Variants in ANKRD11 observed in about 807,000 individuals in gnomAD.
ANKRD11 encodes ankyrin repeat domain-containing protein 11.
In ANKRD11, 17 loss-of-function variants were observed where a neutral mutation model predicts 195.7. The ratio of observed to expected loss-of-function variants is 0.09; its 90% confidence interval spans 0.06 to 0.13. The LOEUF is 0.13. Ranked by LOEUF, ANKRD11 falls within the 10% of genes least tolerant of loss-of-function variation. The pLI is 1.00. For missense variants in ANKRD11, 3,735 were observed against 3,566.1 expected (o/e 1.05, Z -1.21); for synonymous variants, 1,953 against 1,528.1 (o/e 1.28, Z -6.49).
Position 89,283,055 on chromosome 16 carries a change from T to C in ANKRD11, c.3487A>G (p.Arg1163Gly). 6.2e-7 allele frequency: 1 copy of C among 1,614,026 alleles called. No individual in the cohort carries two copies. Among genetic ancestry groups the C allele is most frequent in the Non-Finnish European group, 8.5e-7 (1 of 1,180,038 alleles). The part of the protein sequence containing the change: ...EEGREAYASD[R>G]HRKSSDKQHP... ...TGCTTGTCAGAAGACTTCCTGTGTC[T>C]GTCGGAGGCATAGGCCTCCCGTCCT... The change falls in exon 9 of 13, where the codon AGA becomes GGA. Residue 1163 changes from arginine (R) to glycine (G), a missense_variant. Transcript: ENST00000301030. This position sits in a 1 kb window ranked among gnomAD's most constrained non-coding sequence, Gnocchi z 4.3.
At chr16:89,386,413 G>A (rs1247798162) in intron 2 of ANKRD11, among the ~76,000 whole-genome samples, 3 of 152,052 alleles carry the variant, frequency 2.0e-5, no homozygotes, top group Non-Finnish European at 4.4e-5. Context: ...CTTTACCCAA[G>A]GAGACGCCAG....
intron 1 of ANKRD11, among the ~76,000 whole-genome samples, chr16:89,450,723 C>G (rs1253852362): frequency 6.6e-6 from 1 of 152,156 alleles, no homozygotes; most frequent in African/African-American, 2.4e-5. Flanking sequence ...TCTCTAACTC[C>G]TCGCCTCAAG....
chr16:89,409,311 C>G (rs1407261031), intron 2 of ANKRD11, among the ~76,000 whole-genome samples: 1 of 152,196 alleles, frequency 6.6e-6, no homozygotes, highest in East Asian at 1.9e-4. Flanking sequence ...CCCACAGGTT[C>G]TAGCACTCCT....
chr16:89,456,985 A>C (rs986436440), intron 1 of ANKRD11, among the ~76,000 whole-genome samples: 18 of 127,056 alleles, frequency 1.4e-4, no homozygotes, highest in African/African-American at 5.6e-4. Flanking sequence ...TTTGAGACGG[A>C]GTCTCGCTCT....
intron 1 of ANKRD11, among the ~76,000 whole-genome samples, chr16:89,464,709 G>C (rs2056824459): frequency 6.6e-6 from 1 of 151,634 alleles, no homozygotes; most frequent in Admixed American, 6.6e-5. Context: ...TAGTTGACCA[G>C]AATTAAGCAC....
At chr16:89,270,388 T>C (rs1054767319) in intron 12 of ANKRD11, 4 of 288,948 alleles carry the variant, frequency 1.4e-5, no homozygotes, top group African/African-American at 8.7e-5. Context: ...TCCTCCAGGG[T>C]GTCCCGGTGA....
chr16:89,401,175 C>A (rs987695921), intron 2 of ANKRD11, among the ~76,000 whole-genome samples: 1 of 140,586 alleles, frequency 7.1e-6, no homozygotes. Context: ...CTCATTGCAA[C>A]CTCTGCCTCC....
At position 89,268,420 on chromosome 16, in the gene ANKRD11, G is replaced by C. The variant is rs776562670; in HGVS notation, c.*58C>G. 2 of 775,700 alleles carry C rather than the reference G, an allele frequency of 2.6e-6. No individual in the cohort carries two copies. The highest frequency in any genetic ancestry group is 4.1e-6 in the Non-Finnish European group (2 of 492,196). The allele number at this position is 775,700 out of a possible 1,614,324, so 48.1% of individuals were successfully genotyped here. On this transcript the variant is annotated 3_prime_UTR_variant, in exon 13 of 13. Coordinates refer to ENST00000301030, the MANE Select transcript of ANKRD11 (RefSeq NM_013275.6). ...CTCCCTCCTCCGCCCCTGGGGCTCAGCAGCAGTCCTGGGCAGCCGTGCGGC... is the reference window on the plus strand; with the variant it reads ...CTCCCTCCTCCGCCCCTGGGGCTCACCAGCAGTCCTGGGCAGCCGTGCGGC...
At chr16:89,484,808 G>C (rs2057551276) in intron 1 of ANKRD11, among the ~76,000 whole-genome samples, 1 of 152,136 alleles carries the variant, frequency 6.6e-6, no homozygotes, top group Admixed American at 6.5e-5. Context: ...ATGGTTTGTT[G>C]AGAAAAAGCC....
chr16:89,318,359 G>A (rs558046190), intron 2 of ANKRD11, among the ~76,000 whole-genome samples: 4 of 152,204 alleles, frequency 2.6e-5, no homozygotes, highest in Non-Finnish European at 5.9e-5. Context: ...CAAAGCCACT[G>A]TCCCCCCATC....
chr16:89,327,285 T>C lies in ANKRD11; in HGVS notation c.-59-10207A>G, dbSNP rs146095538. 5.1e-3 allele frequency among the ~76,000 whole-genome samples: 769 copies of C among 152,142 alleles called. 5 individuals are homozygous for C. Among genetic ancestry groups the C allele is most frequent in the African/African-American group, 0.018 (744 of 41,472 alleles). Reference sequence around the variant, plus strand: ...ATTCAAAACTCACGATAAAAATTCCTAGGAAAACAGGAGTGTGGAGAAACA... The same window carrying C: ...ATTCAAAACTCACGATAAAAATTCCCAGGAAAACAGGAGTGTGGAGAAACA... On this transcript the variant is annotated intron_variant, in intron 2 of 12. Coordinates refer to ENST00000301030, the MANE Select transcript of ANKRD11 (RefSeq NM_013275.6).
chr16:89,368,379 T>TTTG (rs2040042128), intron 2 of ANKRD11, among the ~76,000 whole-genome samples: 1 of 130,096 alleles, frequency 7.7e-6, no homozygotes, highest in African/African-American at 3.1e-5. Context: ...GTGTTTTTTT[T>TTTG]TTTTTTTTTT....
chr16:89,443,397 G>T (rs930149919), intron 1 of ANKRD11: 1 of 152,102 alleles, frequency 6.6e-6, no homozygotes, highest in Admixed American at 6.6e-5. Context: ...ATGATGACAT[G>T]CAAATTTGTG....
At chr16:89,347,910 C>T (rs2039019426) in intron 2 of ANKRD11, among the ~76,000 whole-genome samples, 1 of 151,990 alleles carries the variant, frequency 6.6e-6, no homozygotes, top group East Asian at 1.9e-4. Context: ...CTTTGCAGAG[C>T]ACTTTCCTCA....
intron 1 of ANKRD11, among the ~76,000 whole-genome samples, chr16:89,430,027 C>G (rs1395765952): frequency 4.0e-5 from 5 of 126,156 alleles, no homozygotes; most frequent in Non-Finnish European, 5.0e-5. Context: ...TCAACTCTCA[C>G]GCTCAGTCGT....
At chr16:89,323,594 GGGCT>G (rs1281899252) in intron 2 of ANKRD11, among the ~76,000 whole-genome samples, 2 of 74,562 alleles carry the variant, frequency 2.7e-5, no homozygotes, top group African/African-American at 7.9e-5. Context: ...CAGGGCAGGG[GGGCT>G]GAGCCCGGGG....
intron 2 of ANKRD11, among the ~76,000 whole-genome samples, chr16:89,371,108 G>A (rs1179238119): frequency 2.0e-5 from 3 of 152,150 alleles, no homozygotes; most frequent in Non-Finnish European, 4.4e-5. Context: ...ACTGAAAACC[G>A]CCGAGGGGGA....
At chr16:89,455,108 G>T (rs1162608678) in intron 1 of ANKRD11, among the ~76,000 whole-genome samples, 1 of 99,830 alleles carries the variant, frequency 1.0e-5, no homozygotes, top group Admixed American at 1.0e-4. Context: ...CTGCTCCCCT[G>T]GGTGCTTCTA....
intron 2 of ANKRD11, among the ~76,000 whole-genome samples, chr16:89,322,261 A>G (rs1010344189): frequency 6.6e-6 from 1 of 152,234 alleles, no homozygotes; most frequent in Non-Finnish European, 1.5e-5. Context: ...ATGTGACAAC[A>G]TTACCCTCCG....
Sources: allele counts gnomAD v4.1 joint callset (sites outside exome capture counted in the v4.1 genomes callset), GRCh38; gene constraint gnomAD v4.1.1; non-coding constraint Gnocchi (gnomAD v3.1); transcripts MANE v1.5; gene names NCBI Gene and HGNC (gene_info 2026-07-23, HGNC 2026-07-21).